The following PCDHGA6 variants were observed in gnomAD, a reference collection of about 807,000 sequenced individuals.
PCDHGA6 encodes the protein protocadherin gamma subfamily A, 6, also known as protocadherin gamma-A6.
A neutral mutation model predicts 60.6 loss-of-function variants in PCDHGA6; 41 were observed. The ratio of observed to expected loss-of-function variants is 0.68; its 90% CI spans 0.53 to 0.88. PCDHGA6 has a LOEUF of 0.88. Among genes scored for constraint, PCDHGA6 ranks in the 40% least tolerant of loss-of-function variants. The pLI is 0.00. For synonymous variants in PCDHGA6, 594 were observed against 524.4 expected, an observed-to-expected ratio of 1.13 and a Z score of -1.81; for missense variants, 1,312 against 1,203.0, an observed-to-expected ratio of 1.09 and a Z score of -1.34.
At chr5:141,422,723 G>T in intron 1 of PCDHGA6, 1 of 1,605,958 alleles carries the variant, frequency 6.2e-7, no homozygotes, top group South Asian at 1.1e-5. Flanking sequence ...ACTGTCCAGG[G>T]GGTGCCTCTG....
rs183952562 is a variant in PCDHGA6 at position 141,423,399 on chromosome 5, C to A, written c.2424+46892C>A. On this transcript the variant is annotated intron_variant, in intron 1 of 3. Transcript: ENST00000517434. ...GGCTGTGGCGCTGGCATAAGTCACG[C>A]CTGCTGCAGGCTTCTGAAGGCGGGT... 3.5e-5 allele frequency: 56 copies of A among 1,614,150 alleles called. No homozygotes were observed. The East Asian group carries it at 1.1e-3, about 33-fold the overall frequency.
chr5:141,394,004 A>C (rs1220367944), intron 1 of PCDHGA6: 3 of 1,613,496 alleles, frequency 1.9e-6, no homozygotes. Flanking sequence ...TAGAAAAGTC[A>C]ATAGGTAATT....
At position 141,432,759 on chromosome 5, in the gene PCDHGA6, G is replaced by T. The variant is rs768949018; in HGVS notation, c.2424+56252G>T. On this transcript the variant is annotated intron_variant, in intron 1 of 3. Transcript: ENST00000517434. The surrounding 1 kb of genome is among the most constrained non-coding windows in gnomAD (Gnocchi z 6.0). ...ACGCTCACCGTGGCCGTGGCCGACA[G>T]CATCCCCCAAGTCCTGGCGGACCTC... is the stretch of plus-strand genomic sequence containing the variant. The T allele has an allele frequency of 6.2e-6, 10 of 1,614,032 alleles. No homozygotes were observed. The highest frequency in any genetic ancestry group is 7.6e-6 in the Non-Finnish European group (9 of 1,180,014).
intron 1 of PCDHGA6, chr5:141,384,940 T>C: frequency 6.2e-7 from 1 of 1,613,942 alleles, no homozygotes; most frequent in Non-Finnish European, 8.5e-7. Flanking sequence ...CCTTGAGCCC[T>C]CCGACGGTCC....
intron 1 of PCDHGA6, among the ~76,000 whole-genome samples, chr5:141,452,199 G>T (rs2098736057): frequency 1.3e-5 from 2 of 151,778 alleles, no homozygotes; most frequent in African/African-American, 4.8e-5. Flanking sequence ...AATTGTTTTA[G>T]ATGTTACCAA....
Position 141,393,820 on chromosome 5 carries a change from CG to C in PCDHGA6, c.2424+17315del, listed in dbSNP as rs370400807. Reference sequence around the variant, plus strand: ...CTGGGGAGGACCAAATTGCTCATTTCGGTGGAAGATGTAAATGACAATAGAC... The same window carrying C: ...CTGGGGAGGACCAAATTGCTCATTTCGTGGAAGATGTAAATGACAATAGAC... On this transcript the variant is annotated intron_variant, in intron 1 of 3. Transcript: ENST00000517434. The C allele has an allele frequency of 9.3e-6, 15 of 1,613,800 alleles. No individual in the cohort carries two copies. In the African/African-American group the frequency reaches 9.3e-5, roughly 10 times the overall value.
chr5:141,505,570 C>A, intron 3 of PCDHGA6, 89 bp downstream of exon 3: 1 of 1,598,160 alleles, frequency 6.3e-7, no homozygotes, highest in South Asian at 1.1e-5. Context: ...GACTGGATGT[C>A]AAACCTGTGT....
chr5:141,427,150 T>C (rs570999921), intron 1 of PCDHGA6: 6 of 456,866 alleles, frequency 1.3e-5, no homozygotes, highest in African/African-American at 4.0e-5. Flanking sequence ...ATTGGAAATA[T>C]GTTTGTGCTA....
At chr5:141,420,453 C>A (rs1026053173) in intron 1 of PCDHGA6, 76 of 977,580 alleles carry the variant, frequency 7.8e-5, no homozygotes, top group Non-Finnish European at 8.8e-5. Context: ...AGTCTTCCTA[C>A]TATTCAAAGA....
Position 141,486,243 on chromosome 5 carries a change from G to T in PCDHGA6, c.2425-8564G>T. ...TACATCACAGTGACCTCAGAGCTTG[G>T]AACCCTCCCCGAGAGTGCAGAACCT... is the stretch of plus-strand genomic sequence containing the variant. On this transcript the variant is annotated intron_variant, in intron 1 of 3. Coordinates refer to ENST00000517434, the MANE Select transcript of PCDHGA6 (RefSeq NM_018919.3). The surrounding 1 kb of genome is among the most constrained non-coding windows in gnomAD (Gnocchi z 5.0). 1 of 1,614,156 alleles carries T rather than the reference G, an allele frequency of 6.2e-7. No individual in the cohort carries two copies. Among genetic ancestry groups the T allele is most frequent in the Non-Finnish European group, 8.5e-7 (1 of 1,180,018 alleles).
At chr5:141,384,614 C>G (rs759348931) in intron 1 of PCDHGA6, 2 of 1,614,222 alleles carry the variant, frequency 1.2e-6, no homozygotes, top group Admixed American at 3.3e-5. Context: ...ACAGATGGTT[C>G]TACTGGCATG....
rs950164698 is a variant in PCDHGA6, at chr5:141,423,459, G to A, written c.2424+46952G>A. ...TGCCCACGTCACATTTTGTAGGCGT[G>A]GACGGGGTACAGGCTTTCCTGCAAA... On this transcript the variant is annotated intron_variant, in intron 1 of 3. Coordinates refer to ENST00000517434, the MANE Select transcript of PCDHGA6 (RefSeq NM_018919.3). 4.3e-6 allele frequency: 7 copies of A among 1,614,006 alleles called. No individual in the cohort carries two copies. In the South Asian group the frequency reaches 6.6e-5, roughly 15 times the overall value.
At chr5:141,389,500 C>A in intron 1 of PCDHGA6, 1 of 1,613,056 alleles carries the variant, frequency 6.2e-7, no homozygotes, top group Non-Finnish European at 8.5e-7. Context: ...GGCTCGCCAG[C>A]GCTCAGCGCG....
chr5:141,400,717 G>C (rs2094065619), intron 1 of PCDHGA6: 1 of 672,320 alleles, frequency 1.5e-6, no homozygotes. Context: ...TAGCCTTATA[G>C]ATTTACAAAG....
At chr5:141,427,008 C>G (rs762510673) in intron 1 of PCDHGA6, 145 of 456,786 alleles carry the variant, frequency 3.2e-4, no homozygotes, top group African/African-American at 2.8e-3. Context: ...AGTTTTTAGC[C>G]AGGATGTATA....
intron 1 of PCDHGA6, chr5:141,382,944 G>T (rs375823415): frequency 7.9e-5 from 126 of 1,596,768 alleles, no homozygotes; most frequent in Non-Finnish European, 1.0e-4. Flanking sequence ...GATTCTTCCT[G>T]CTCTCCATCC....
intron 1 of PCDHGA6, chr5:141,395,029 AT>A: frequency 6.2e-7 from 1 of 1,613,976 alleles, no homozygotes. Context: ...CCTGCCTCAC[AT>A]TTTGTGGGTG....
At chr5:141,377,343 C>G (rs1218188915) in intron 1 of PCDHGA6, 1 of 152,110 alleles carries the variant, frequency 6.6e-6, no homozygotes. Context: ...TGGTGGTTCA[C>G]GCCTGTAATC....
In PCDHGA6 at chr5:141,393,482, T is replaced by C. The variant is rs116240246; in HGVS notation, c.2424+16975T>C. The C allele has an allele frequency of 5.3e-4, 852 of 1,614,070 alleles. 7 individuals carry two copies. In the African/African-American group the frequency reaches 0.01, roughly 19 times the overall value. ...CGGATGGCGGCAAGCCGCCTCGCTC[T>C]AGCACAGTGCGCATCCACGTGACAG... is the stretch of plus-strand genomic sequence containing the variant. On this transcript the variant is annotated intron_variant, in intron 1 of 3. Coordinates refer to ENST00000517434, the MANE Select transcript of PCDHGA6 (RefSeq NM_018919.3).
Sources: gnomAD v4.1 joint callset for allele counts (sites outside exome capture counted in the v4.1 genomes callset) on GRCh38, gnomAD v4.1.1 for gene constraint, Gnocchi (gnomAD v3.1) non-coding constraint, MANE v1.5 for transcripts, NCBI Gene and HGNC (gene_info 2026-07-23, HGNC 2026-07-21) for gene names.